The following ETNK2 variants were observed in gnomAD, a reference collection of about 807,000 sequenced individuals.
ETNK2 encodes the protein ethanolamine kinase 2.
In ETNK2, 33 loss-of-function variants were observed where a neutral mutation model predicts 46.2. That is an observed-to-expected ratio of 0.71 (90% CI 0.54 to 0.96). The LOEUF (loss-of-function observed/expected upper bound fraction) is 0.96, where lower values mean the gene tolerates loss of function less well. ETNK2 is among the 40% of genes least tolerant of loss of function. ETNK2 has a pLI of 0.00. For synonymous variants in ETNK2, 194 were observed against 209.0 expected, an observed-to-expected ratio of 0.93 and a Z score of 0.62; for missense variants, 445 against 509.7, an observed-to-expected ratio of 0.87 and a Z score of 1.22.
intron 5 of ETNK2, among the ~76,000 whole-genome samples, chr1:204,137,687 G>A (rs1377510870): frequency 3.3e-5 from 5 of 152,162 alleles, no homozygotes; most frequent in South Asian, 2.1e-4. Context: ...ATCACTGGCC[G>A]AAATTTCTTC....
intron 3 of ETNK2, 21 bp downstream of exon 3, chr1:204,146,621 G>A (rs780807595): frequency 6.2e-6 from 10 of 1,613,758 alleles, no homozygotes; most frequent in Non-Finnish European, 8.5e-6. Flanking sequence ...GGCAGCCTTG[G>A]ACCCTCCCAG....
intron 3 of ETNK2, among the ~76,000 whole-genome samples, chr1:204,145,811 G>A (rs975777213): frequency 6.6e-6 from 1 of 152,204 alleles, no homozygotes; most frequent in African/African-American, 2.4e-5. Flanking sequence ...GGAGCGTGAA[G>A]GAATGAGACT....
In ETNK2 at chr1:204,151,579, G is replaced by A. The variant is rs370822088; in HGVS notation, c.258+16C>T. On this transcript the variant is annotated intron_variant, in intron 1 of 7. Transcript: ENST00000367202. This position sits in a 1 kb window ranked among gnomAD's most constrained non-coding sequence, Gnocchi z 8.0. ...CTGGCAGGACCCCATCCTCGGCCCC[G>A]CGCCCACTCCGCTACCTTGGTCCGA... The A allele has an allele frequency of 1.0e-5, 16 of 1,548,488 alleles. No homozygotes were observed. In the African/African-American group the frequency reaches 1.8e-4, roughly 17 times the overall value.
chr1:204,139,819 T>C (rs1275581092), intron 5 of ETNK2, among the ~76,000 whole-genome samples: 1 of 152,220 alleles, frequency 6.6e-6, no homozygotes, highest in African/African-American at 2.4e-5. Flanking sequence ...TACAAACCTG[T>C]ACAGCATGTT....
intron 3 of ETNK2, among the ~76,000 whole-genome samples, chr1:204,143,995 C>T (rs371674491): frequency 9.9e-5 from 15 of 152,272 alleles, no homozygotes; most frequent in African/African-American, 1.2e-4. Flanking sequence ...CTCAAGTTGC[C>T]GTAGGGCAAT....
intron 3 of ETNK2, among the ~76,000 whole-genome samples, chr1:204,143,833 C>G (rs902479022): frequency 2.0e-5 from 3 of 152,148 alleles, no homozygotes; most frequent in Non-Finnish European, 4.4e-5. Flanking sequence ...CTTGTGATGG[C>G]CCAACCCAGT....
Position 204,132,124 on chromosome 1 carries a change from T to C in ETNK2, c.*60A>G, listed in dbSNP as rs1553300688. 1.5e-6 allele frequency: 2 copies of C among 1,337,802 alleles called. No homozygotes were observed. The highest frequency in any genetic ancestry group is 1.3e-5 in the South Asian group (1 of 79,796). 82.9% of individuals were successfully genotyped at this position (1,337,802 alleles called of 1,614,324 possible). A position where few individuals can be genotyped will look rare whatever the true frequency, so the allele number is the denominator to read the frequency against. On this transcript the variant is annotated 3_prime_UTR_variant, in exon 8 of 8. Coordinates refer to ENST00000367202, the MANE Select transcript of ETNK2 (RefSeq NM_018208.4). The stretch of plus-strand genomic sequence containing the variant: ...AGGGTGTGGATCCCAGAGTGCAGAA[T>C]TGAGCTCTGGAGAACAGGTCTGGCC...
Position 204,137,227 on chromosome 1 carries a change from G to A in ETNK2, c.891C>T (p.Cys297=). Residue 297 remains cysteine, a synonymous_variant, in exon 6 of 8, where the codon TGC becomes TGT. Coordinates refer to ENST00000367202, the MANE Select transcript of ETNK2 (RefSeq NM_018208.4). Reference sequence around the variant, plus strand: ...GCTGGGTCTCCCGCGCCGGGTACAGGCAGTAATCCACCTCATTCACGCCTG... The same window carrying A: ...GCTGGGTCTCCCGCGCCGGGTACAGACAGTAATCCACCTCATTCACGCCTG... The part of the protein sequence containing the change: ...EFAGVNEVDY[C]LYPARETQLQ... 6.2e-7 allele frequency: 1 copy of A among 1,613,872 alleles called. No individual in the cohort carries two copies. The highest frequency in any genetic ancestry group is 8.5e-7 in the Non-Finnish European group (1 of 1,179,820).
chr1:204,135,363 C>A (rs1342546816), intron 6 of ETNK2, among the ~76,000 whole-genome samples: 2 of 152,110 alleles, frequency 1.3e-5, no homozygotes, highest in Non-Finnish European at 2.9e-5. Flanking sequence ...TGTACACCAA[C>A]CCCGGTGACA....
chr1:204,141,625 C>A (rs752049657), intron 3 of ETNK2, 168 bp from the exon 4 acceptor site: 14 of 680,624 alleles, frequency 2.1e-5, no homozygotes, highest in Non-Finnish European at 2.7e-5. Flanking sequence ...TAAAATGGCA[C>A]TGAGGCGTCC....
intron 4 of ETNK2, 91 bp downstream of exon 4, chr1:204,141,224 G>A (rs538817937): frequency 9.8e-6 from 15 of 1,523,144 alleles, no homozygotes; most frequent in African/African-American, 1.4e-5. Context: ...ACTTTTGCTT[G>A]TCCAAGTGCC....
intron 3 of ETNK2, among the ~76,000 whole-genome samples, chr1:204,145,825 T>A (rs540189981): frequency 6.6e-6 from 1 of 152,198 alleles, no homozygotes. Flanking sequence ...TGAGACTCAC[T>A]ATTGCCTTTT....
chr1:204,149,712 C>T lies in ETNK2; in HGVS notation c.509G>A (p.Arg170Gln), dbSNP rs774930573. 30 of 1,587,376 alleles carry T rather than the reference C, an allele frequency of 1.9e-5. 1 individual carries two copies. The highest frequency in any genetic ancestry group is 1.4e-4 in the South Asian group (12 of 86,842). ...ALEPEHIREP[R>Q]LFRLIALEMA... ...CTGGCACCCTCCTCACCTGAAAAGC[C>T]GGGGCTCACGGATGTGCTCAGGCTC... The change falls in exon 2 of 8, where the codon CGG becomes CAG. Residue 170 changes from arginine to glutamine, a missense_variant. Physicochemically the swap from Arg to Gln is conservative, Grantham distance 43. Transcript: ENST00000367202.
chr1:204,143,426 C>A (rs1484242745), intron 3 of ETNK2, among the ~76,000 whole-genome samples: 2 of 142,520 alleles, frequency 1.4e-5, no homozygotes, highest in Non-Finnish European at 3.1e-5. Context: ...AGCCTTCTAT[C>A]TCCCCGGGGC....
At chr1:204,140,293 T>A (rs888624298) in intron 4 of ETNK2, among the ~76,000 whole-genome samples, 175 bp from the exon 5 acceptor site, 2 of 136,004 alleles carry the variant, frequency 1.5e-5, no homozygotes, top group African/African-American at 5.4e-5. Context: ...CATCCATCCA[T>A]CCATCCATCC....
chr1:204,134,479 C>T (rs775212314), intron 7 of ETNK2, 36 bp downstream of exon 7: 51 of 1,608,302 alleles, frequency 3.2e-5, no homozygotes, highest in Middle Eastern at 1.7e-4. Flanking sequence ...AAGGCTCTCC[C>T]TTTTCTCCAC....
chr1:204,145,300 C>T (rs1657736602), intron 3 of ETNK2, among the ~76,000 whole-genome samples: 1 of 152,246 alleles, frequency 6.6e-6, no homozygotes, highest in African/African-American at 2.4e-5. Context: ...CACACAGTGA[C>T]AGCACAGTCA....
chr1:204,141,150 G>A, intron 4 of ETNK2, 165 bp downstream of exon 4: 1 of 888,206 alleles, frequency 1.1e-6, no homozygotes, highest in South Asian at 1.4e-5. Flanking sequence ...TTCAAAGTGG[G>A]AATTTTTTAT....
chr1:204,149,782 A>T lies in ETNK2; in HGVS notation c.439T>A (p.Phe147Ile). 6.2e-7 allele frequency: 1 copy of T among 1,607,740 alleles called. No individual in the cohort carries two copies. The highest frequency in any genetic ancestry group is 8.5e-7 in the Non-Finnish European group (1 of 1,177,354). The change falls in exon 2 of 8, where the codon TTC (phenylalanine) becomes ATC (isoleucine). Residue 147 changes from phenylalanine to isoleucine, a missense_variant. Physicochemically the swap from Phe to Ile is conservative, Grantham distance 21 (BLOSUM62 0). Coordinates refer to ENST00000367202, the MANE Select transcript of ETNK2 (RefSeq NM_018208.4). ...TACTCATAGCACAGCCCATTCTGGAAGGTGCAGTAGAGTTTGGGGGCACAG... is the reference window on the plus strand; with the variant it reads ...TACTCATAGCACAGCCCATTCTGGATGGTGCAGTAGAGTTTGGGGGCACAG... ...HSCAPKLYCTFQNGLCYEYMQ... is the reference protein window; with the variant it reads ...HSCAPKLYCTIQNGLCYEYMQ...
Sources: gnomAD v4.1 joint callset for allele counts (sites outside exome capture counted in the v4.1 genomes callset) on GRCh38, gnomAD v4.1.1 for gene constraint, Gnocchi (gnomAD v3.1) non-coding constraint, MANE v1.5 for transcripts, NCBI Gene and HGNC (gene_info 2026-07-23, HGNC 2026-07-21) for gene names.